Variants in SNTB1 observed in about 807,000 individuals in gnomAD.
SNTB1 encodes beta-1-syntrophin.
In SNTB1, 36 loss-of-function variants were observed where a neutral mutation model predicts 48.9. The observed-to-expected ratio is 0.74, with a 90% CI of 0.56 to 0.97. SNTB1 has a LOEUF of 0.97. Among genes scored for constraint, SNTB1 ranks in the 50% least tolerant of loss-of-function variants. The pLI, the probability that SNTB1 is intolerant of heterozygous loss-of-function variation, is 0.00. For synonymous variants in SNTB1, 299 were observed against 294.6 expected (o/e 1.01, Z -0.15); for missense variants, 786 against 703.4 (o/e 1.12, Z -1.33).
At chr8:120,774,947 C>A (rs1481061131) in intron 1 of SNTB1, among the ~76,000 whole-genome samples, 8 of 152,142 alleles carry the variant, frequency 5.3e-5, no homozygotes, top group African/African-American at 1.9e-4. Context: ...AGCCACCACG[C>A]CCGGCCAGAA....
At chr8:120,660,892 G>A (rs1439626580) in intron 2 of SNTB1, among the ~76,000 whole-genome samples, 1 of 152,132 alleles carries the variant, frequency 6.6e-6, no homozygotes, top group East Asian at 1.9e-4. Context: ...CTGAGGAGAG[G>A]GAGAGAGATG....
At chr8:120,572,374 A>G (rs996181600) in intron 4 of SNTB1, among the ~76,000 whole-genome samples, 1 of 152,226 alleles carries the variant, frequency 6.6e-6, no homozygotes, top group Non-Finnish European at 1.5e-5. Flanking sequence ...GCCAGGAAGG[A>G]CACAAATATG....
intron 1 of SNTB1, among the ~76,000 whole-genome samples, chr8:120,779,716 G>A (rs765154806): frequency 6.6e-6 from 1 of 152,108 alleles, no homozygotes; most frequent in Non-Finnish European, 1.5e-5. Flanking sequence ...GAGCCGGAGC[G>A]TTAGTTTTCT....
chr8:120,780,832 AG>A (rs1819820134), intron 1 of SNTB1, among the ~76,000 whole-genome samples: 1 of 152,236 alleles, frequency 6.6e-6, no homozygotes, highest in East Asian at 1.9e-4. Context: ...ATGAGCTATC[AG>A]GGTAGATAAT....
At position 120,538,758 on chromosome 8, in the gene SNTB1, G is replaced by A; in HGVS notation, c.*119C>T. The A allele has an allele frequency of 1.2e-6, 1 of 853,818 alleles. No homozygotes were observed. The highest frequency in any genetic ancestry group is 1.4e-5 in the South Asian group (1 of 73,520). 52.9% of individuals were successfully genotyped at this position (853,818 alleles called of 1,614,324 possible). ...GGACAGTTACATACGACTCTTGAGA[G>A]CTAAAGCTGACTGTAGCACGCTACA... On this transcript the variant is annotated 3_prime_UTR_variant, in exon 7 of 7. Transcript: ENST00000517992.
At chr8:120,753,460 C>T (rs539257873) in intron 1 of SNTB1, among the ~76,000 whole-genome samples, 21 of 152,278 alleles carry the variant, frequency 1.4e-4, no homozygotes, top group East Asian at 1.2e-3. Flanking sequence ...GAAAAATCTA[C>T]GCTAAATCCT....
At chr8:120,681,002 G>C (rs1817921641) in intron 2 of SNTB1, among the ~76,000 whole-genome samples, 1 of 152,024 alleles carries the variant, frequency 6.6e-6, no homozygotes, top group South Asian at 2.1e-4. Context: ...GTAAACTGGA[G>C]GTACTTAAAT....
chr8:120,753,613 G>A (rs1419411639), intron 1 of SNTB1, among the ~76,000 whole-genome samples: 3 of 152,156 alleles, frequency 2.0e-5, no homozygotes, highest in African/African-American at 7.2e-5. Flanking sequence ...CACAGTGCTT[G>A]GTACATTTTC....
chr8:120,666,774 A>T (rs1198646440), intron 2 of SNTB1, among the ~76,000 whole-genome samples: 10 of 152,094 alleles, frequency 6.6e-5, no homozygotes, highest in Non-Finnish European at 1.0e-4. Flanking sequence ...GTTCATTTTT[A>T]AAAAATTATC....
chr8:120,641,382 A>G (rs1360465061), intron 2 of SNTB1, among the ~76,000 whole-genome samples: 2 of 152,230 alleles, frequency 1.3e-5, no homozygotes, highest in African/African-American at 2.4e-5. Context: ...TACGTCATTT[A>G]CAATGTTTTC....
intron 2 of SNTB1, among the ~76,000 whole-genome samples, chr8:120,654,108 AT>A (rs1817458827): frequency 1.3e-5 from 2 of 149,652 alleles, no homozygotes; most frequent in Admixed American, 1.3e-4. Context: ...TCCCACTAAC[AT>A]TCAGTTTTAT....
At chr8:120,697,435 G>T (rs1177925472) in intron 1 of SNTB1, among the ~76,000 whole-genome samples, 2 of 152,092 alleles carry the variant, frequency 1.3e-5, no homozygotes, top group Non-Finnish European at 2.9e-5. Flanking sequence ...CTGTCCATGA[G>T]GTATAATAAG....
In SNTB1 at chr8:120,552,452, G is replaced by C. The variant is rs545197842; in HGVS notation, c.1137-3494C>G. Among the ~76,000 whole-genome samples the C allele has an allele frequency of 4.6e-5, 7 of 152,342 alleles. No individual in the cohort carries two copies. The South Asian group carries it at 1.4e-3, about 32-fold the overall frequency. On this transcript the variant is annotated intron_variant, in intron 4 of 6. Transcript: ENST00000517992. ...CAGCTCACTGCAACCTCCACCTCCTGGGTTCAAGCGATTCTCTGTCTCAGC... is the reference window on the plus strand; with the variant it reads ...CAGCTCACTGCAACCTCCACCTCCTCGGTTCAAGCGATTCTCTGTCTCAGC...
intron 2 of SNTB1, chr8:120,637,525 T>G (rs1234468752): frequency 5.0e-6 from 1 of 199,604 alleles, no homozygotes; most frequent in Non-Finnish European, 1.0e-5. Context: ...AAGTACTTAT[T>G]TTTATTGTGA....
intron 1 of SNTB1, among the ~76,000 whole-genome samples, chr8:120,756,359 C>A (rs768402281): frequency 1.3e-5 from 2 of 151,862 alleles, no homozygotes; most frequent in Non-Finnish European, 2.9e-5. Context: ...AGGTGTAAAG[C>A]GATGGATGGA....
At chr8:120,735,358 G>A (rs1818925635) in intron 1 of SNTB1, among the ~76,000 whole-genome samples, 1 of 152,170 alleles carries the variant, frequency 6.6e-6, no homozygotes, top group South Asian at 2.1e-4. Context: ...AAGGGAGCAA[G>A]GTGACAAGAT....
At position 120,811,716 on chromosome 8, in the gene SNTB1, T is replaced by G. The variant is rs1587184442; in HGVS notation, c.128A>C (p.Glu43Ala). Residue 43 changes from glutamate (E) to alanine (A), a missense_variant, in exon 1 of 7, where the codon GAG becomes GCG. By Grantham distance (107) the Glu-to-Ala change is moderately radical. Coordinates refer to ENST00000517992, the MANE Select transcript of SNTB1 (RefSeq NM_021021.4). ...CTCGCTGCTCAGAACCAGGGCGTCCTCGCTCAAGTTCACCAGAACTTTGTG... is the reference window on the plus strand; with the variant it reads ...CTCGCTGCTCAGAACCAGGGCGTCCGCGCTCAAGTTCACCAGAACTTTGTG... ...RWHKVLVNLS[E>A]DALVLSSEEG... 6.3e-7 allele frequency: 1 copy of G among 1,574,946 alleles called. No homozygotes were observed. The highest frequency in any genetic ancestry group is 8.6e-7 in the Non-Finnish European group (1 of 1,165,540).
Position 120,575,162 on chromosome 8 carries a change from A to G in SNTB1, c.1060T>C (p.Leu354=). 1 of 1,614,178 alleles carries G rather than the reference A, an allele frequency of 6.2e-7. No homozygotes were observed. Among genetic ancestry groups the G allele is most frequent in the African/African-American group, 1.3e-5 (1 of 75,038 alleles). The change falls in exon 4 of 7, where the codon TTA becomes CTA. Residue 354 remains leucine (L), a synonymous_variant. Transcript: ENST00000517992. ...ALVVLTEKDL[L]IYDSMPRRKE... is the part of the protein sequence containing the mutation. ...CTCCGTGGCATGCTGTCATAGATTA[A>G]AAGGTCTTTCTCAGTCAGCACAACC... is the stretch of plus-strand genomic sequence containing the variant.
At chr8:120,547,592 C>CAAAAA (rs11289979) in intron 5 of SNTB1, among the ~76,000 whole-genome samples, 20 of 89,062 alleles carry the variant, frequency 2.2e-4, no homozygotes, top group South Asian at 8.2e-4. Flanking sequence ...AACACTGTCT[C>CAAAAA]AAAAAAAAAA....
Sources: gnomAD v4.1 joint callset for allele counts (sites outside exome capture counted in the v4.1 genomes callset) on GRCh38, gnomAD v4.1.1 for gene constraint, MANE v1.5 for transcripts, NCBI Gene and HGNC (gene_info 2026-07-23, HGNC 2026-07-21) for gene names.